Variants in GNPDA2 observed in about 807,000 individuals in gnomAD.
The protein encoded by GNPDA2 is glcN6P deaminase 2.
GNPDA2 carries 24 observed loss-of-function variants against 27.0 expected under a neutral mutation model. The ratio of observed to expected loss-of-function variants is 0.89; its 90% CI spans 0.64 to 1.25. The LOEUF (loss-of-function observed/expected upper bound fraction) is 1.25. Ranked by LOEUF, GNPDA2 falls within the 50% of genes most tolerant of loss-of-function variation. The pLI, the probability that GNPDA2 is intolerant of heterozygous loss-of-function variation, is 0.00. For missense variants in GNPDA2, 286 were observed against 335.1 expected (o/e 0.85, Z 1.14); for synonymous variants, 94 against 108.4 (o/e 0.87, Z 0.83).
In GNPDA2 at chr4:44,710,961, C is replaced by A; in HGVS notation, c.586G>T (p.Ala196Ser). 1.3e-6 allele frequency: 2 copies of A among 1,593,752 alleles called. No individual in the cohort carries two copies. Among genetic ancestry groups the A allele is most frequent in the Admixed American group, 1.8e-5 (1 of 55,368 alleles). The change falls in exon 5 of 7, where the codon GCT becomes TCT. Residue 196 changes from alanine to serine, a missense_variant. By Grantham distance (99) the Ala-to-Ser change is moderately conservative. Transcript: ENST00000295448. ...LTVGVGTVMD[A>S]REVMILITGA... ...GAATATTTAATGCTTACTTCTCTAG[C>A]ATCCATCACTGTCCCCACACCAACA...
chr4:44,705,140 AT>A (rs1280912954), intron 6 of GNPDA2: 4 of 984,634 alleles, frequency 4.1e-6, no homozygotes, highest in Non-Finnish European at 4.8e-6. Flanking sequence ...CTTTTTAGTG[AT>A]GACAGAAGAA....
chr4:44,707,923 T>G lies in GNPDA2; in HGVS notation c.598A>C (p.Met200Leu), dbSNP rs759867383. The G allele has an allele frequency of 1.3e-6, 2 of 1,569,806 alleles. No individual in the cohort carries two copies. The highest frequency in any genetic ancestry group is 2.4e-5 in the South Asian group (2 of 82,918). The change falls in exon 6 of 7, where the codon ATG becomes CTG. Residue 200 changes from methionine to leucine, a missense_variant. Coordinates refer to ENST00000295448, the MANE Select transcript of GNPDA2 (RefSeq NM_138335.3). ...TTGTGTGCCCCTGTTATAAGGATCA[T>G]TACCTGAAAAATTATGAACATCAAT... ...VGTVMDAREVMILITGAHKAF... is the reference protein window; with the variant it reads ...VGTVMDAREVLILITGAHKAF...
In GNPDA2 at chr4:44,702,959, G is replaced by C; in HGVS notation, c.*122C>G. 1 of 1,528,236 alleles carries C rather than the reference G, an allele frequency of 6.5e-7. No homozygotes were observed. The highest frequency in any genetic ancestry group is 8.7e-7 in the Non-Finnish European group (1 of 1,146,380). The allele number at this position is 1,528,236 out of a possible 1,614,324, so 94.7% of individuals were successfully genotyped here. A position where few individuals can be genotyped will look rare whatever the true frequency, so the allele number is the denominator to read the frequency against. On this transcript the variant is annotated 3_prime_UTR_variant, in exon 7 of 7. Transcript: ENST00000295448. The stretch of plus-strand genomic sequence containing the variant: ...TATGGAATGTTTAACATAGAGACTC[G>C]AATGAAAAAATGACAATCTTCAAAA...
intron 6 of GNPDA2, chr4:44,706,473 A>T (rs570296198): frequency 5.3e-5 from 8 of 151,948 alleles, no homozygotes; most frequent in Non-Finnish European, 1.2e-4. Context: ...AAAATAGACT[A>T]TTTTCAGTGC....
intron 1 of GNPDA2, among the ~76,000 whole-genome samples, chr4:44,726,108 G>T (rs1028133993): frequency 2.6e-5 from 4 of 152,194 alleles, no homozygotes; most frequent in Admixed American, 2.0e-4. Context: ...GGAGGCGGGG[G>T]CTGCAGATTC....
chr4:44,715,778 G>T (rs1299583351), intron 4 of GNPDA2, among the ~76,000 whole-genome samples: 1 of 151,904 alleles, frequency 6.6e-6, no homozygotes, highest in Non-Finnish European at 1.5e-5. Context: ...TTGGTTTCTT[G>T]CTCCAATAAA....
chr4:44,718,748 A>G (rs1318938982), intron 2 of GNPDA2, among the ~76,000 whole-genome samples: 3 of 151,914 alleles, frequency 2.0e-5, no homozygotes, highest in Admixed American at 6.6e-5. Flanking sequence ...TGAAAAAAAA[A>G]TCTTGAGTTC....
chr4:44,707,445 C>A (rs1158973668), intron 6 of GNPDA2: 1 of 372,642 alleles, frequency 2.7e-6, no homozygotes, highest in African/African-American at 2.1e-5. Context: ...GACAAAGATA[C>A]ATTTTCTTTT....
At chr4:44,704,146 G>A in intron 6 of GNPDA2, 1 of 985,094 alleles carries the variant, frequency 1.0e-6, no homozygotes, top group Non-Finnish European at 1.2e-6. Flanking sequence ...AAGTGTTTGT[G>A]TAGTAGGAGA....
At position 44,702,799 on chromosome 4, in the gene GNPDA2, T is replaced by C. The variant is rs951300015; in HGVS notation, c.*282A>G. The C allele has an allele frequency of 4.4e-5, 55 of 1,238,774 alleles. No individual in the cohort carries two copies. The highest frequency in any genetic ancestry group is 5.4e-5 in the Non-Finnish European group (54 of 990,902). 76.7% of individuals were successfully genotyped at this position (1,238,774 alleles called of 1,614,324 possible). Reference sequence around the variant, plus strand: ...GTGGACACTCTACCTTTAAAATGACTTTTTAAACAGGCAGACATTTCTATG... The same window carrying C: ...GTGGACACTCTACCTTTAAAATGACCTTTTAAACAGGCAGACATTTCTATG... On this transcript the variant is annotated 3_prime_UTR_variant, in exon 7 of 7. Transcript: ENST00000295448.
chr4:44,703,071 C>T lies in GNPDA2; in HGVS notation c.*10G>A. 6.2e-7 allele frequency: 1 copy of T among 1,611,482 alleles called. No homozygotes were observed. Among genetic ancestry groups the T allele is most frequent in the South Asian group, 1.1e-5 (1 of 90,578 alleles). On this transcript the variant is annotated 3_prime_UTR_variant, in exon 7 of 7. Transcript: ENST00000295448. ...CTGTTCATTCAAGCTGAATTTTGCT[C>T]CAGTCTCCTTCAGTTTCCATCTTTC...
At chr4:44,706,352 A>G (rs1716606064) in intron 6 of GNPDA2, 1 of 151,988 alleles carries the variant, frequency 6.6e-6, no homozygotes, top group South Asian at 2.1e-4. Flanking sequence ...TGATTTATGT[A>G]CTTAACTATC....
chr4:44,712,896 T>C (rs2109706253), intron 4 of GNPDA2, among the ~76,000 whole-genome samples: 1 of 152,362 alleles, frequency 6.6e-6, no homozygotes, highest in South Asian at 2.1e-4. Context: ...TAAATTAAGA[T>C]ATCAGCACCT....
Position 44,707,755 on chromosome 4 carries a change from T to C in GNPDA2, c.766A>G (p.Lys256Glu). ...GCTTTTGAAATTCAGTGCTCACCTT[T>C]AAAGTATTTCACAGTTTTAACTCTT... ...ELRVKTVKYFKGLMHVHNKLV... is the reference protein window; with the variant it reads ...ELRVKTVKYFEGLMHVHNKLV... Residue 256 changes from lysine (K) to glutamate (E), a missense_variant, in exon 6 of 7, where the codon AAA becomes GAA. Transcript: ENST00000295448. The C allele has an allele frequency of 1.2e-6, 2 of 1,611,944 alleles. No individual in the cohort carries two copies. Among genetic ancestry groups the C allele is most frequent in the Non-Finnish European group, 1.7e-6 (2 of 1,178,704 alleles).
chr4:44,708,131 A>G (rs149490813), intron 5 of GNPDA2, among the ~76,000 whole-genome samples: 13 of 152,296 alleles, frequency 8.5e-5, no homozygotes, highest in African/African-American at 1.7e-4. Context: ...AAGCAAAACA[A>G]TATCTTGTTA....
At chr4:44,718,786 A>T (rs1486401791) in intron 2 of GNPDA2, among the ~76,000 whole-genome samples, 1 of 151,968 alleles carries the variant, frequency 6.6e-6, no homozygotes, top group Non-Finnish European at 1.5e-5. Context: ...AAATAGGTCA[A>T]GTGTTGACCA....
At chr4:44,718,446 TTAA>T (rs753655988) in intron 2 of GNPDA2, 36 bp from the exon 3 acceptor site, 4 of 694,136 alleles carry the variant, frequency 5.8e-6, no homozygotes, top group East Asian at 3.1e-5. Flanking sequence ...CTAAAATGAC[TTAA>T]TAATCTATTA....
intron 1 of GNPDA2, among the ~76,000 whole-genome samples, chr4:44,724,394 C>T (rs567636668): frequency 1.3e-5 from 2 of 152,082 alleles, no homozygotes; most frequent in East Asian, 3.9e-4. Context: ...GGGTAGATAC[C>T]CAGTAGTGAG....
At chr4:44,722,640 C>T (rs1402273509) in intron 1 of GNPDA2, among the ~76,000 whole-genome samples, 1 of 152,068 alleles carries the variant, frequency 6.6e-6, no homozygotes, top group East Asian at 1.9e-4. Context: ...ACAGTATTTA[C>T]ATTGTATTAG....
Sources: allele counts gnomAD v4.1 joint callset (sites outside exome capture counted in the v4.1 genomes callset), GRCh38; gene constraint gnomAD v4.1.1; transcripts MANE v1.5; gene names NCBI Gene and HGNC (gene_info 2026-07-23, HGNC 2026-07-21).